The following TMEM117 variants were observed in gnomAD, a reference collection of about 807,000 sequenced individuals.
TMEM117 encodes transmembrane protein 117.
A neutral mutation model predicts 52.4 loss-of-function variants in TMEM117; 27 were observed. The observed-to-expected ratio is 0.51, with a 90% CI of 0.38 to 0.71. The LOEUF is 0.71. Among genes scored for constraint, TMEM117 ranks in the 30% least tolerant of loss-of-function variants. TMEM117 has a pLI of 0.00. For synonymous variants in TMEM117, 215 were observed against 206.3 expected (o/e 1.04, Z -0.36); for missense variants, 556 against 630.5 (o/e 0.88, Z 1.26).
chr12:44,095,499 G>A (rs1947742873), intron 3 of TMEM117, among the ~76,000 whole-genome samples: 1 of 152,052 alleles, frequency 6.6e-6, no homozygotes, highest in African/African-American at 2.4e-5. Flanking sequence ...GAAAGAAATG[G>A]AAGATATGTG....
chr12:43,819,301 T>C, the TMEM117 span, among the ~76,000 whole-genome samples: 1 of 152,230 alleles, frequency 6.6e-6, no homozygotes. Flanking sequence ...TTCTATTTAT[T>C]GTAGATCTTT....
At chr12:43,893,323 A>G (rs1370802396) in intron 2 of TMEM117, among the ~76,000 whole-genome samples, 6 of 152,222 alleles carry the variant, frequency 3.9e-5, no homozygotes, top group Admixed American at 3.3e-4. Context: ...TTAAGACATC[A>G]TGGAGGCTTG....
At chr12:44,302,217 C>G (rs1252448306) in intron 6 of TMEM117, among the ~76,000 whole-genome samples, 1 of 152,166 alleles carries the variant, frequency 6.6e-6, no homozygotes, top group Non-Finnish European at 1.5e-5. Context: ...TTGGAAATGT[C>G]ATGTTTTACA....
chr12:43,967,518 A>G (rs1420742856), intron 3 of TMEM117, among the ~76,000 whole-genome samples: 1 of 152,012 alleles, frequency 6.6e-6, no homozygotes, highest in Non-Finnish European at 1.5e-5. Flanking sequence ...AAGCTGCCAC[A>G]TTGTCTGTAT....
chr12:44,342,755 A>T (rs928278076), intron 6 of TMEM117, among the ~76,000 whole-genome samples: 1 of 152,034 alleles, frequency 6.6e-6, no homozygotes, highest in Non-Finnish European at 1.5e-5. Context: ...TTTCTTCTTT[A>T]GTAATAACTT....
chr12:43,884,406 AAG>A (rs1943954051), intron 2 of TMEM117, among the ~76,000 whole-genome samples: 1 of 152,158 alleles, frequency 6.6e-6, no homozygotes, highest in African/African-American at 2.4e-5. Flanking sequence ...TTTTCCCAAA[AAG>A]GCTATTTTTA....
At chr12:44,315,356 A>G (rs190758120) in intron 6 of TMEM117, among the ~76,000 whole-genome samples, 15 of 152,268 alleles carry the variant, frequency 9.9e-5, no homozygotes, top group Middle Eastern at 3.4e-3. Flanking sequence ...TGTAAATTTG[A>G]GATCTTCCTA....
intron 6 of TMEM117, among the ~76,000 whole-genome samples, chr12:44,340,608 C>T (rs746891055): frequency 1.3e-5 from 2 of 151,980 alleles, no homozygotes; most frequent in African/African-American, 4.8e-5. Context: ...CATGCCAAAC[C>T]ATCTAACTAC....
intron 3 of TMEM117, among the ~76,000 whole-genome samples, chr12:44,054,203 T>C (rs1300867743): frequency 6.6e-6 from 1 of 152,190 alleles, no homozygotes; most frequent in Non-Finnish European, 1.5e-5. Flanking sequence ...GATATTTTCC[T>C]ATTTTGGAAG....
At chr12:44,300,386 T>G (rs562958337) in intron 6 of TMEM117, among the ~76,000 whole-genome samples, 1 of 152,356 alleles carries the variant, frequency 6.6e-6, no homozygotes, top group Admixed American at 6.5e-5. Context: ...ACTAGCTATT[T>G]CTTGCTCATT....
intron 4 of TMEM117, among the ~76,000 whole-genome samples, chr12:44,192,760 C>CCA (rs1489551708): frequency 6.6e-6 from 1 of 152,184 alleles, no homozygotes; most frequent in Non-Finnish European, 1.5e-5. Context: ...TGTATTTAAT[C>CCA]TGCATCCTGG....
chr12:43,889,934 CA>C lies in TMEM117; in HGVS notation c.277+45007del, dbSNP rs571029254. On this transcript the variant is annotated intron_variant, in intron 2 of 7. Transcript: ENST00000266534. ...CAGTTCGGTTGCAATATAGTCACAA[CA>C]GGGTCCCTATGAGCACCACACAGGG... Among the ~76,000 whole-genome samples the C allele has an allele frequency of 1.1e-3, 162 of 152,260 alleles. 2 individuals carry two copies. The highest frequency in any genetic ancestry group is 3.4e-3 in the African/African-American group (141 of 41,562).
At chr12:43,870,266 T>C (rs1046835490) in intron 2 of TMEM117, among the ~76,000 whole-genome samples, 48 of 151,880 alleles carry the variant, frequency 3.2e-4, no homozygotes, top group African/African-American at 1.0e-3. Context: ...TCTTTTTTTT[T>C]TTTTTCTTTT....
chr12:43,867,219 C>T (rs1467578982), intron 2 of TMEM117, among the ~76,000 whole-genome samples: 2 of 152,098 alleles, frequency 1.3e-5, no homozygotes, highest in Admixed American at 1.3e-4. Context: ...AATGGAATTA[C>T]ACTTTAGCAA....
intron 3 of TMEM117, among the ~76,000 whole-genome samples, chr12:44,000,299 GAACTGAGGATTTGAA>G (rs1313444488): frequency 6.6e-6 from 1 of 152,148 alleles, no homozygotes; most frequent in Non-Finnish European, 1.5e-5. Context: ...AGTATGTATG[GAACTGAGGATTTGAA>G]AATAGATTCC....
intron 3 of TMEM117, among the ~76,000 whole-genome samples, chr12:44,020,915 G>A (rs1162436647): frequency 6.6e-6 from 1 of 152,180 alleles, no homozygotes; most frequent in Non-Finnish European, 1.5e-5. Context: ...AGCTGAGTTT[G>A]ATGATAATAA....
chr12:43,809,821 A>T, the TMEM117 span, among the ~76,000 whole-genome samples: 2 of 152,232 alleles, frequency 1.3e-5, no homozygotes, highest in Admixed American at 1.3e-4. Flanking sequence ...CTTTTATTAT[A>T]TGCATGTAAT....
chr12:44,011,050 T>C (rs1277601342), intron 3 of TMEM117, among the ~76,000 whole-genome samples: 1 of 152,228 alleles, frequency 6.6e-6, no homozygotes, highest in Non-Finnish European at 1.5e-5. Flanking sequence ...TTTCTAACAT[T>C]TCCTGCAAGA....
chr12:43,912,777 A>T (rs1448283339), intron 2 of TMEM117, among the ~76,000 whole-genome samples: 7 of 151,918 alleles, frequency 4.6e-5, no homozygotes, highest in Admixed American at 4.6e-4. Context: ...CCTTTAATGC[A>T]TGTACCCCAA....
Sources: allele counts gnomAD v4.1 joint callset (sites outside exome capture counted in the v4.1 genomes callset), GRCh38; gene constraint gnomAD v4.1.1; transcripts MANE v1.5; gene names NCBI Gene and HGNC (gene_info 2026-07-23, HGNC 2026-07-21).